Variants in FBXL7 observed in about 807,000 individuals in gnomAD.
The protein encoded by FBXL7 is F-box/LRR-repeat protein 7.
In FBXL7, 12 loss-of-function variants were observed where a neutral mutation model predicts 38.3. That is an observed-to-expected ratio of 0.31 (90% CI 0.20 to 0.51). FBXL7 has a LOEUF of 0.51. Ranked by LOEUF, FBXL7 falls within the 20% of genes least tolerant of loss-of-function variation. The probability of loss-of-function intolerance (pLI) is 0.98; values close to 1 mark genes in which losing one functional copy is unlikely to be tolerated. For synonymous variants in FBXL7, 297 were observed against 300.9 expected (o/e 0.99, Z 0.13); for missense variants, 567 against 676.4 (o/e 0.84, Z 1.79).
intron 2 of FBXL7, among the ~76,000 whole-genome samples, chr5:15,829,263 G>T (rs1738392526): frequency 6.6e-6 from 1 of 152,062 alleles, no homozygotes; most frequent in Admixed American, 6.6e-5. Context: ...GGTGGTGGTG[G>T]TGGTGGTTTT....
At chr5:15,658,709 C>T (rs1741959139) in intron 2 of FBXL7, among the ~76,000 whole-genome samples, 1 of 152,082 alleles carries the variant, frequency 6.6e-6, no homozygotes, top group African/African-American at 2.4e-5. Flanking sequence ...GGGTATGTGA[C>T]TGGGGGCTGC....
At chr5:15,678,235 C>A (rs1313506887) in intron 2 of FBXL7, among the ~76,000 whole-genome samples, 1 of 152,130 alleles carries the variant, frequency 6.6e-6, no homozygotes, top group African/African-American at 2.4e-5. Flanking sequence ...TAAATTAATC[C>A]TCTCCAAGGA....
chr5:15,723,145 T>C (rs1744247430), intron 2 of FBXL7, among the ~76,000 whole-genome samples: 1 of 152,166 alleles, frequency 6.6e-6, no homozygotes, highest in African/African-American at 2.4e-5. Context: ...CTTGTATGAG[T>C]AGCCAAGCTG....
intron 2 of FBXL7, among the ~76,000 whole-genome samples, chr5:15,700,476 A>G (rs17523929): frequency 0.09 from 13,651 of 152,242 alleles, 745 homozygotes; most frequent in South Asian, 0.15. Flanking sequence ...GTCCTTAACT[A>G]TGATAATAAG....
chr5:15,520,616 A>C (rs1304997856), intron 1 of FBXL7, among the ~76,000 whole-genome samples: 2 of 152,202 alleles, frequency 1.3e-5, no homozygotes, highest in African/African-American at 4.8e-5. Context: ...CCAAAATCGA[A>C]AAAGATAGCT....
chr5:15,801,634 AGT>A (rs71605509), intron 2 of FBXL7, among the ~76,000 whole-genome samples: 41 of 147,772 alleles, frequency 2.8e-4, no homozygotes, highest in Admixed American at 5.4e-4. Flanking sequence ...AGGGGGAGTC[AGT>A]GTGTGTGTGT....
At chr5:15,788,280 A>G (rs1455345724) in intron 2 of FBXL7, among the ~76,000 whole-genome samples, 2 of 152,164 alleles carry the variant, frequency 1.3e-5, no homozygotes, top group East Asian at 1.9e-4. Flanking sequence ...TTGGGGGAGC[A>G]CTATTCAACC....
intron 2 of FBXL7, among the ~76,000 whole-genome samples, chr5:15,893,211 C>G (rs1278095198): frequency 6.6e-6 from 1 of 151,978 alleles, no homozygotes; most frequent in Non-Finnish European, 1.5e-5. Context: ...ATCAGTCTGA[C>G]CCCAATCAGT....
At chr5:15,624,112 C>G (rs1740733269) in intron 2 of FBXL7, among the ~76,000 whole-genome samples, 1 of 152,136 alleles carries the variant, frequency 6.6e-6, no homozygotes, top group Non-Finnish European at 1.5e-5. Context: ...TTTAGCTTGT[C>G]AGTATTATAT....
At chr5:15,831,897 T>C (rs1286105588) in intron 2 of FBXL7, among the ~76,000 whole-genome samples, 7 of 152,136 alleles carry the variant, frequency 4.6e-5, no homozygotes, top group South Asian at 2.1e-4. Flanking sequence ...TGCCCTCCCA[T>C]TGCCCATGGC....
chr5:15,650,124 C>T (rs1431901903), intron 2 of FBXL7, among the ~76,000 whole-genome samples: 1 of 152,082 alleles, frequency 6.6e-6, no homozygotes, highest in Admixed American at 6.5e-5. Context: ...TTAACTGAGC[C>T]ACAGACCAAC....
At chr5:15,748,380 C>T (rs1300185537) in intron 2 of FBXL7, among the ~76,000 whole-genome samples, 1 of 152,180 alleles carries the variant, frequency 6.6e-6, no homozygotes, top group Non-Finnish European at 1.5e-5. Flanking sequence ...CACATCTCAC[C>T]TTGAATTATA....
chr5:15,932,267 ACCACGTAGG>A (rs1390066021), intron 3 of FBXL7, among the ~76,000 whole-genome samples: 2 of 152,114 alleles, frequency 1.3e-5, no homozygotes, highest in Non-Finnish European at 2.9e-5. Context: ...TCTGAAGGGA[ACCACGTAGG>A]AGGCACTCAA....
intron 2 of FBXL7, among the ~76,000 whole-genome samples, chr5:15,852,721 T>C (rs1427253863): frequency 1.3e-5 from 2 of 152,046 alleles, no homozygotes; most frequent in African/African-American, 2.4e-5. Flanking sequence ...CCTACATAGA[T>C]CTCCTCTTTG....
intron 1 of FBXL7, among the ~76,000 whole-genome samples, chr5:15,570,737 C>T (rs983647036): frequency 3.9e-5 from 6 of 152,166 alleles, no homozygotes; most frequent in African/African-American, 1.4e-4. Flanking sequence ...ACTTGGGAGA[C>T]CAGTTGCCCC....
At chr5:15,641,817 A>G (rs190177179) in intron 2 of FBXL7, among the ~76,000 whole-genome samples, 91 of 152,296 alleles carry the variant, frequency 6.0e-4, no homozygotes, top group South Asian at 2.1e-3. Context: ...AATTTACGCC[A>G]TCAGCTTGGA....
At chr5:15,535,180 G>A (rs1198072793) in intron 1 of FBXL7, among the ~76,000 whole-genome samples, 4 of 152,052 alleles carry the variant, frequency 2.6e-5, no homozygotes, top group Non-Finnish European at 5.9e-5. Flanking sequence ...AACCTCTTTT[G>A]TTTATAAACT....
At chr5:15,750,682 AT>A (rs76939451) in intron 2 of FBXL7, among the ~76,000 whole-genome samples, 6 of 150,494 alleles carry the variant, frequency 4.0e-5, no homozygotes, top group East Asian at 2.0e-4. Flanking sequence ...TTGCTTGTGC[AT>A]TTTTTTTTCC....
At chr5:15,906,052 C>T (rs1326541256) in intron 2 of FBXL7, among the ~76,000 whole-genome samples, 1 of 151,966 alleles carries the variant, frequency 6.6e-6, no homozygotes, top group Non-Finnish European at 1.5e-5. Context: ...GAGTTATAAG[C>T]CTTGAATTTG....
Sources: gnomAD v4.1 joint callset for allele counts (sites outside exome capture counted in the v4.1 genomes callset) on GRCh38, gnomAD v4.1.1 for gene constraint, MANE v1.5 for transcripts, NCBI Gene and HGNC (gene_info 2026-07-23, HGNC 2026-07-21) for gene names.